Variants in COL9A1 observed in about 807,000 individuals in gnomAD.
The protein encoded by COL9A1 is collagen type IX alpha 1 chain, also known as collagen alpha-1(IX) chain.
A neutral mutation model predicts 142.6 loss-of-function variants in COL9A1; 104 were observed. The observed-to-expected ratio is 0.73, with a 90% CI of 0.62 to 0.86. The LOEUF is 0.86. Among genes scored for constraint, COL9A1 ranks in the 40% least tolerant of loss-of-function variants. COL9A1 has a pLI of 0.00. For synonymous variants in COL9A1, 466 were observed against 396.0 expected (o/e 1.18, Z -2.10); for missense variants, 1,210 against 1,176.6 (o/e 1.03, Z -0.42).
intron 36 of COL9A1, 125 bp downstream of exon 36, chr6:70,232,458 G>A: frequency 8.9e-7 from 1 of 1,117,446 alleles, no homozygotes; most frequent in Non-Finnish European, 1.4e-6. Context: ...ATTGAAAAGA[G>A]AATAATACAT....
At chr6:70,262,432 C>T (rs527976948) in intron 19 of COL9A1, among the ~76,000 whole-genome samples, 3 of 152,286 alleles carry the variant, frequency 2.0e-5, no homozygotes, top group African/African-American at 7.2e-5. Context: ...CTCGCTGAAC[C>T]CTTTTTAAAC....
intron 17 of COL9A1, 28 bp downstream of exon 17, chr6:70,268,776 C>G: frequency 1.2e-6 from 2 of 1,603,768 alleles, no homozygotes; most frequent in Non-Finnish European, 1.7e-6. Context: ...GGATAATACT[C>G]TTAAAATACT....
intron 5 of COL9A1, among the ~76,000 whole-genome samples, chr6:70,284,612 T>C (rs545599611): frequency 1.1e-4 from 17 of 152,320 alleles, no homozygotes; most frequent in African/African-American, 3.8e-4. Context: ...AGGAAAATGT[T>C]GCCAGGTCTG....
chr6:70,264,817 A>G (rs1258977240), intron 18 of COL9A1, among the ~76,000 whole-genome samples: 1 of 152,120 alleles, frequency 6.6e-6, no homozygotes, highest in Non-Finnish European at 1.5e-5. Flanking sequence ...CATTTTGATT[A>G]TTGAAATTTT....
intron 31 of COL9A1, 142 bp from the exon 32 acceptor site, chr6:70,240,875 C>A: frequency 1.3e-6 from 1 of 756,382 alleles, no homozygotes; most frequent in South Asian, 1.5e-5. Flanking sequence ...CAGCGGCTTT[C>A]CAATCTAGCT....
chr6:70,249,471 C>T (rs775819156), intron 28 of COL9A1, among the ~76,000 whole-genome samples: 23 of 151,906 alleles, frequency 1.5e-4, no homozygotes, highest in Non-Finnish European at 2.6e-4. Context: ...AGACTGCAGC[C>T]GGTGAGACAA....
At chr6:70,271,800 A>C (rs756510698) in intron 13 of COL9A1, 92 bp from the exon 14 acceptor site, 11 of 1,282,602 alleles carry the variant, frequency 8.6e-6, no homozygotes, top group Non-Finnish European at 1.2e-5. Context: ...TTAGATTTAC[A>C]TTTCTGTATT....
chr6:70,254,766 G>C lies in COL9A1; in HGVS notation c.1665+197C>G. On this transcript the variant is annotated intron_variant, in intron 24 of 37. Coordinates refer to ENST00000357250, the MANE Select transcript of COL9A1 (RefSeq NM_001851.6). ...TTCATCAACAGGGCAATTTTACTGA[G>C]TTCCTGAAACCAAGCAAATAATTAT... The C allele has an allele frequency of 2.9e-6, 2 of 693,020 alleles. 1 individual carries two copies. The highest frequency in any genetic ancestry group is 3.7e-5 in the South Asian group (2 of 54,644). The allele number at this position is 693,020 out of a possible 1,614,324, so 42.9% of individuals were successfully genotyped here.
rs1773039002 is a variant in COL9A1 at position 70,279,994 on chromosome 6, G to C, written c.975+818C>G. On this transcript the variant is annotated intron_variant, in intron 10 of 37. Transcript: ENST00000357250. ...TTCTTACTTCACTTCATATTCCAGG[G>C]ACAAAATCAAGGACTGGTCTGTAGT... 5 of 696,858 alleles carry C rather than the reference G, an allele frequency of 7.2e-6. No homozygotes were observed. The East Asian group carries it at 1.3e-4, about 19-fold the overall frequency. 43.2% of individuals were successfully genotyped at this position (696,858 alleles called of 1,614,324 possible).
intron 35 of COL9A1, among the ~76,000 whole-genome samples, chr6:70,234,229 GA>G (rs999134548): frequency 2.3e-5 from 3 of 129,074 alleles, no homozygotes; most frequent in African/African-American, 7.7e-5. Flanking sequence ...TGTTCCAAAG[GA>G]AAAAAGTGTG....
chr6:70,259,118 A>G (rs1771511053), intron 20 of COL9A1, among the ~76,000 whole-genome samples: 1 of 152,218 alleles, frequency 6.6e-6, no homozygotes, highest in Non-Finnish European at 1.5e-5. Flanking sequence ...AATACCTAGA[A>G]GTGACAAACA....
intron 30 of COL9A1, 50 bp from the exon 31 acceptor site, chr6:70,241,504 T>C: frequency 2.7e-6 from 4 of 1,491,030 alleles, no homozygotes; most frequent in Non-Finnish European, 3.7e-6. Context: ...ACTGTTTATA[T>C]AATTTCAAGT....
chr6:70,239,260 C>T lies in COL9A1; in HGVS notation c.2106G>A (p.Lys702=), dbSNP rs774146890. The change falls in exon 33 of 38, where the codon AAG becomes AAA. Residue 702 remains lysine, a synonymous_variant. Coordinates refer to ENST00000357250, the MANE Select transcript of COL9A1 (RefSeq NM_001851.6). ...ELGDIGLPGP[K]GSAGNPGEPG... ...TACTATTCACCATACTTACAGATCC[C>T]TTTGGGCCAGGTAATCCTATATCTC... 9 of 1,556,290 alleles carry T rather than the reference C, an allele frequency of 5.8e-6. No individual in the cohort carries two copies. The East Asian group carries it at 2.0e-4, about 35-fold the overall frequency.
At position 70,294,228 on chromosome 6, in the gene COL9A1, A is replaced by T; in HGVS notation, c.635T>A (p.Ile212Asn). Reference sequence around the variant, plus strand: ...CAGCACAGCAAAGCCATCAATGTCAATTGGGCCTCTTGGCTTTATAGGTAA... The same window carrying T: ...CAGCACAGCAAAGCCATCAATGTCATTTGGGCCTCTTGGCTTTATAGGTAA... ...ESLPIKPRGPIDIDGFAVLGK... is the reference protein window; with the variant it reads ...ESLPIKPRGPNDIDGFAVLGK... Residue 212 changes from isoleucine to asparagine, a missense_variant, in exon 5 of 38, where the codon ATT becomes AAT. By Grantham distance (149) the Ile-to-Asn change is moderately radical. Transcript: ENST00000357250. The T allele has an allele frequency of 6.2e-7, 1 of 1,614,110 alleles. No homozygotes were observed. The highest frequency in any genetic ancestry group is 8.5e-7 in the Non-Finnish European group (1 of 1,179,966).
intron 1 of COL9A1, 115 bp from the exon 2 acceptor site, chr6:70,302,189 GTTTTTTTTTCATTTCTTT>G: frequency 4.1e-6 from 2 of 488,612 alleles, no homozygotes; most frequent in Non-Finnish European, 7.6e-6. Context: ...TCACAGTATA[GTTTTTTTTTCATTTCTTT>G]TTTTTTTTTT....
intron 28 of COL9A1, among the ~76,000 whole-genome samples, chr6:70,247,432 T>C (rs1770674023): frequency 6.6e-6 from 1 of 152,248 alleles, no homozygotes; most frequent in Non-Finnish European, 1.5e-5. Flanking sequence ...TGCTCTAGCT[T>C]GTAATGGCTG....
At chr6:70,230,050 C>T (rs1423668517) in intron 36 of COL9A1, among the ~76,000 whole-genome samples, 1 of 152,158 alleles carries the variant, frequency 6.6e-6, no homozygotes, top group African/African-American at 2.4e-5. Context: ...AAGATTCATA[C>T]CATCCCTTCT....
At chr6:70,278,412 A>G (rs1772906317) in intron 10 of COL9A1, among the ~76,000 whole-genome samples, 1 of 152,210 alleles carries the variant, frequency 6.6e-6, no homozygotes, top group South Asian at 2.1e-4. Flanking sequence ...TATTTATGGA[A>G]AGTAATATTA....
chr6:70,270,365 A>AC lies in COL9A1; in HGVS notation c.1145dup (p.Asp383Ter). 1.2e-6 allele frequency: 2 copies of AC among 1,613,570 alleles called. No individual in the cohort carries two copies. Among genetic ancestry groups the AC allele is most frequent in the Non-Finnish European group, 8.5e-7 (1 of 1,179,760 alleles). On this transcript the variant is annotated frameshift_variant and splice_region_variant, in exon 15 of 38. Coordinates refer to ENST00000357250, the MANE Select transcript of COL9A1 (RefSeq NM_001851.6). LOFTEE classifies it high-confidence loss of function. ...CAGGTGGTCCTCTTCTCCCAGGGTCACCCTAAGTTATTTGAAAATTGCGAC... is the reference window on the plus strand; with the variant it reads ...CAGGTGGTCCTCTTCTCCCAGGGTCACCCCTAAGTTATTTGAAAATTGCGAC...
Sources: allele counts gnomAD v4.1 joint callset (sites outside exome capture counted in the v4.1 genomes callset), GRCh38; gene constraint gnomAD v4.1.1; transcripts MANE v1.5; gene names NCBI Gene and HGNC (gene_info 2026-07-23, HGNC 2026-07-21).